ELMO1: variants seen among roughly 807,000 people sequenced by gnomAD.
ELMO1 encodes the protein engulfment and cell motility protein 1.
Under a neutral mutation model 98.9 loss-of-function variants are expected in ELMO1, and 26 were observed. That is an observed-to-expected ratio of 0.26 (90% CI 0.19 to 0.36). The LOEUF is 0.36. Among genes scored for constraint, ELMO1 ranks in the 10% least tolerant of loss-of-function variants. The pLI is 1.00. For missense variants in ELMO1, 627 were observed against 935.2 expected, an observed-to-expected ratio of 0.67 and a Z score of 4.30; for synonymous variants, 346 against 346.0, an observed-to-expected ratio of 1.00 and a Z score of 0.00.
chr7:37,376,760 C>T (rs1006322267), intron 1 of ELMO1, among the ~76,000 whole-genome samples: 1 of 152,208 alleles, frequency 6.6e-6, no homozygotes, highest in Non-Finnish European at 1.5e-5. Flanking sequence ...TGTCCTCCTG[C>T]TCGGCTGCCT....
intron 16 of ELMO1, among the ~76,000 whole-genome samples, chr7:36,897,399 C>T (rs9639750): frequency 0.47 from 68,828 of 146,588 alleles, 17,208 homozygotes; most frequent in Non-Finnish European, 0.57. Context: ...GTGACTCAAG[C>T]CCTGCATTTC....
In ELMO1 at chr7:36,853,423, C is replaced by T. The variant is rs1278080728; in HGVS notation, c.*2128G>A. On this transcript the variant is annotated 3_prime_UTR_variant, in exon 22 of 22. Transcript: ENST00000310758. ...CTTTTTCATGGATTGGATCTTGTAA[C>T]CCATAAGAAAAAAATAATATGACTT... Among the ~76,000 whole-genome samples the T allele has an allele frequency of 6.6e-6, 1 of 152,030 alleles. No individual in the cohort carries two copies. Among genetic ancestry groups the T allele is most frequent in the Non-Finnish European group, 1.5e-5 (1 of 67,998 alleles).
intron 15 of ELMO1, among the ~76,000 whole-genome samples, chr7:37,029,768 CT>C (rs1794773982): frequency 6.6e-6 from 1 of 152,110 alleles, no homozygotes; most frequent in Non-Finnish European, 1.5e-5. Context: ...ATAAAACATT[CT>C]TTTTTTATTC....
Position 36,855,862 on chromosome 7 carries a change from G to T in ELMO1, c.1984-111C>A. On this transcript the variant is annotated intron_variant, in intron 21 of 21. Coordinates refer to ENST00000310758, the MANE Select transcript of ELMO1 (RefSeq NM_014800.11). The surrounding 1 kb of genome is among the most constrained non-coding windows in gnomAD (Gnocchi z 4.2). Reference sequence around the variant, plus strand: ...TCCCTCAGTAGGCTGTGCGCTAAGGGCTCTGCCTACTTCGTCATTTCATAT... The same window carrying T: ...TCCCTCAGTAGGCTGTGCGCTAAGGTCTCTGCCTACTTCGTCATTTCATAT... 6 of 1,235,530 alleles carry T rather than the reference G, an allele frequency of 4.9e-6. No individual in the cohort carries two copies. Among genetic ancestry groups the T allele is most frequent in the Non-Finnish European group, 6.9e-6 (6 of 868,956 alleles). 76.5% of individuals were successfully genotyped at this position (1,235,530 alleles called of 1,614,324 possible). A position where few individuals can be genotyped will look rare whatever the true frequency, so the allele number is the denominator to read the frequency against.
At chr7:37,065,693 A>G (rs1222253237) in intron 15 of ELMO1, among the ~76,000 whole-genome samples, 1 of 152,194 alleles carries the variant, frequency 6.6e-6, no homozygotes, top group Non-Finnish European at 1.5e-5. Flanking sequence ...TTCTCTGCAT[A>G]GGTTTTCTTT....
intron 16 of ELMO1, among the ~76,000 whole-genome samples, chr7:36,971,684 C>T (rs984098017): frequency 6.6e-6 from 1 of 152,178 alleles, no homozygotes; most frequent in African/African-American, 2.4e-5. Flanking sequence ...TGCTTGGCCT[C>T]TGTGACTAGC....
In ELMO1 at chr7:36,872,457, A is replaced by C. The variant is rs544899949; in HGVS notation, c.1823-1982T>G. Among the ~76,000 whole-genome samples, 310 of 152,268 alleles carry C rather than the reference A, an allele frequency of 2.0e-3. 1 individual carries two copies. Among genetic ancestry groups the C allele is most frequent in the African/African-American group, 6.7e-3 (280 of 41,540 alleles). The stretch of plus-strand genomic sequence containing the variant: ...ACCTTTTGTTATGCAAGCCATGGAG[A>C]TTTTGGGGTTGTTTATCCCTGCAGC... On this transcript the variant is annotated intron_variant, in intron 19 of 21. Coordinates refer to ENST00000310758, the MANE Select transcript of ELMO1 (RefSeq NM_014800.11).
intron 16 of ELMO1, among the ~76,000 whole-genome samples, chr7:36,962,241 T>C: frequency 6.6e-6 from 1 of 152,184 alleles, no homozygotes; most frequent in East Asian, 1.9e-4. Context: ...AGGGGAAGTT[T>C]AAAGAATACT....
chr7:37,365,105 T>C (rs77712788), intron 1 of ELMO1, among the ~76,000 whole-genome samples: 12,327 of 152,140 alleles, frequency 0.081, 609 homozygotes, highest in Middle Eastern at 0.12. Flanking sequence ...GAATGGAAAA[T>C]ACAGCCATTC....
At chr7:36,935,164 C>T (rs1191827492) in intron 16 of ELMO1, among the ~76,000 whole-genome samples, 1 of 152,250 alleles carries the variant, frequency 6.6e-6, no homozygotes, top group Non-Finnish European at 1.5e-5. Context: ...ATACTGTTCT[C>T]GCGCCAGTGA....
intron 13 of ELMO1, among the ~76,000 whole-genome samples, chr7:37,202,326 AC>A (rs981442773): frequency 6.6e-6 from 1 of 152,150 alleles, no homozygotes. Flanking sequence ...AAAAGAGAAT[AC>A]CACAAAAATT....
chr7:37,192,068 G>T (rs75936852), intron 13 of ELMO1, among the ~76,000 whole-genome samples: 1 of 152,254 alleles, frequency 6.6e-6, no homozygotes, highest in African/African-American at 2.4e-5. Flanking sequence ...GATGCTAACA[G>T]TAGCAGTGTT....
intron 13 of ELMO1, among the ~76,000 whole-genome samples, chr7:37,165,255 C>A (rs1425620672): frequency 2.0e-5 from 3 of 152,128 alleles, no homozygotes; most frequent in African/African-American, 7.2e-5. Context: ...ATGGGGTTTT[C>A]TAGATATTCA....
At chr7:37,118,159 T>A (rs899908968) in intron 14 of ELMO1, among the ~76,000 whole-genome samples, 1 of 152,076 alleles carries the variant, frequency 6.6e-6, no homozygotes, top group African/African-American at 2.4e-5. Context: ...ATGTTAGAAG[T>A]CCCTTAGTTT....
intron 13 of ELMO1, among the ~76,000 whole-genome samples, chr7:37,180,811 C>CACATAT (rs1790814887): frequency 2.8e-4 from 4 of 14,086 alleles, no homozygotes; most frequent in Non-Finnish European, 5.5e-4. Flanking sequence ...CACACATATG[C>CACATAT]GCACACACAC....
At chr7:36,946,773 C>T (rs915058671) in intron 16 of ELMO1, among the ~76,000 whole-genome samples, 4 of 152,080 alleles carry the variant, frequency 2.6e-5, no homozygotes, top group Admixed American at 2.0e-4. Context: ...AGTCCTGGTC[C>T]CTTCTTCTCT....
intron 1 of ELMO1, among the ~76,000 whole-genome samples, chr7:37,344,900 T>C (rs2131270809): frequency 6.6e-6 from 1 of 152,312 alleles, no homozygotes; most frequent in African/African-American, 2.4e-5. Context: ...GTAACGAAGA[T>C]CTTAAACATG....
intron 4 of ELMO1, among the ~76,000 whole-genome samples, chr7:37,304,100 C>T (rs536292777): frequency 1.8e-3 from 279 of 152,222 alleles, no homozygotes; most frequent in Non-Finnish European, 3.1e-3. Flanking sequence ...GGAAACATAG[C>T]AAATGATTTA....
intron 5 of ELMO1, among the ~76,000 whole-genome samples, chr7:37,263,913 G>A (rs147953137): frequency 4.6e-5 from 7 of 152,278 alleles, no homozygotes; most frequent in African/African-American, 1.2e-4. Flanking sequence ...TGTAAATATC[G>A]GAGATGGATG....
Sources: gnomAD v4.1 joint callset for allele counts (sites outside exome capture counted in the v4.1 genomes callset) on GRCh38, gnomAD v4.1.1 for gene constraint, Gnocchi (gnomAD v3.1) non-coding constraint, MANE v1.5 for transcripts, NCBI Gene and HGNC (gene_info 2026-07-23, HGNC 2026-07-21) for gene names.